ZSCAN5B: variants seen among roughly 807,000 people sequenced by gnomAD.
ZSCAN5B encodes the protein zinc finger and SCAN domain-containing protein 5B.
In ZSCAN5B, 26 loss-of-function variants were observed where a neutral mutation model predicts 25.2. That is an observed-to-expected ratio of 1.03 (90% CI 0.76 to 1.43). The LOEUF is 1.43. Ranked by LOEUF, ZSCAN5B falls within the 40% of genes most tolerant of loss-of-function variation. The probability of loss-of-function intolerance (pLI) is 0.00; values close to 1 mark genes in which losing one functional copy is unlikely to be tolerated. For missense variants in ZSCAN5B, 745 were observed against 622.1 expected (o/e 1.20, Z -2.10); for synonymous variants, 244 against 240.9 (o/e 1.01, Z -0.12).
rs768020233 is a variant in ZSCAN5B, at chr19:56,189,955, G to A, written c.1360C>T (p.Leu454=). The A allele has an allele frequency of 5.0e-6, 8 of 1,613,890 alleles. No individual in the cohort carries two copies. The African/African-American group carries it at 9.3e-5, about 19-fold the overall frequency. The change falls in exon 5 of 5, where the codon CTG becomes TTG. Residue 454 remains leucine, a synonymous_variant. Transcript: ENST00000586855. ...GAGTGGGTGCGCTGGTGAACGTTCA[G>A]GTTCCCCTTGTGGCTGAAAACTTTG...
At chr19:56,190,256 C>T (rs373817287) in exon 5 of ZSCAN5B, 34 of 1,614,060 alleles carry the variant, frequency 2.1e-5, no homozygotes, top group Non-Finnish European at 2.6e-5. Context: ...ATGCAAAGGG[C>T]GGCAGGGCCT....
Position 56,190,779 on chromosome 19 carries a change from A to G in ZSCAN5B, c.739+58T>C, listed in dbSNP as rs980793187. On this transcript the variant is annotated intron_variant, in intron 4 of 4. Coordinates refer to ENST00000586855, the Ensembl canonical transcript of ZSCAN5B. ...CAGGGGATGATAATGCTGGGCCCCC[A>G]GCCCCGCACCCCAGAAGAGAGGGAC... 14 of 1,571,228 alleles carry G rather than the reference A, an allele frequency of 8.9e-6. No individual in the cohort carries two copies. In the African/African-American group the frequency reaches 1.9e-4, roughly 22 times the overall value.
chr19:56,194,961 T>C (rs1012980473), intron 1 of ZSCAN5B, among the ~76,000 whole-genome samples: 5 of 152,182 alleles, frequency 3.3e-5, no homozygotes, highest in African/African-American at 9.7e-5. Flanking sequence ...CAAAAGCCAC[T>C]GTATGATACT....
At chr19:56,191,326 A>T (rs1450450387) in intron 3 of ZSCAN5B, among the ~76,000 whole-genome samples, 1 of 152,140 alleles carries the variant, frequency 6.6e-6, no homozygotes, top group Non-Finnish European at 1.5e-5. Flanking sequence ...ATCCTCCTGG[A>T]GGGGGCGCTC....
At chr19:56,194,501 G>A (rs1229916613) in intron 1 of ZSCAN5B, among the ~76,000 whole-genome samples, 4 of 152,144 alleles carry the variant, frequency 2.6e-5, no homozygotes, top group Non-Finnish European at 2.9e-5. Context: ...TCGCCATGTT[G>A]CCCAGGCTGG....
intron 1 of ZSCAN5B, among the ~76,000 whole-genome samples, chr19:56,193,705 G>A (rs970591372): frequency 6.6e-6 from 1 of 152,218 alleles, no homozygotes; most frequent in African/African-American, 2.4e-5. Flanking sequence ...GCCCAGGCCT[G>A]TAATCCCAGC....
exon 3 of ZSCAN5B, chr19:56,191,926 T>G (rs1278939601): frequency 1.9e-6 from 3 of 1,613,968 alleles, no homozygotes; most frequent in Non-Finnish European, 2.5e-6. Context: ...CGGATGCATC[T>G]GGTTCACAGA....
chr19:56,193,153 T>G, exon 2 of ZSCAN5B: 2 of 1,327,616 alleles, frequency 1.5e-6, no homozygotes, highest in Non-Finnish European at 2.0e-6. Flanking sequence ...TTCTTCTCAG[T>G]AATATATTCA....
chr19:56,197,510 A>G (rs2032825246), intron 1 of ZSCAN5B, among the ~76,000 whole-genome samples: 1 of 152,232 alleles, frequency 6.6e-6, no homozygotes, highest in Admixed American at 6.5e-5. Flanking sequence ...AGCTGGGATT[A>G]CAGGCGTGCG....
chr19:56,190,409 A>G lies in ZSCAN5B; in HGVS notation c.906T>C (p.Asp302=), dbSNP rs892184. 5,541 of 1,614,030 alleles carry G rather than the reference A, an allele frequency of 3.4e-3. 177 individuals carry two copies. The East Asian group carries it at 0.084, about 25-fold the overall frequency. The change falls in exon 5 of 5, where the codon GAT becomes GAC. Residue 302 remains aspartate (D), a synonymous_variant. Coordinates refer to ENST00000586855, the Ensembl canonical transcript of ZSCAN5B. ...GCTCTTCTTGGGAAATGGAGGAGGC[A>G]TCTGGTTTGCTTCTTTTGGGACTGC...
chr19:56,191,767 C>G (rs553180841), intron 3 of ZSCAN5B, 83 bp downstream of exon 3: 2 of 1,421,816 alleles, frequency 1.4e-6, no homozygotes, highest in South Asian at 1.3e-5. Context: ...TGTGCCAAAT[C>G]TCTCAATCAG....
rs749082900 is a variant in ZSCAN5B, at chr19:56,190,366, G to A, written c.949C>T (p.Pro317Ser). The A allele has an allele frequency of 3.1e-6, 5 of 1,614,134 alleles. No homozygotes were observed. In the East Asian group the frequency reaches 8.9e-5, roughly 29 times the overall value. ...CCTGGGGATTCTCTGTTGCCCACAG[G>A]TGTGGCTTCTCCTTGAGGCTCTTCT... The change falls in exon 5 of 5, where the codon CCT (proline) becomes TCT (serine). Residue 317 changes from proline to serine, a missense_variant. Transcript: ENST00000586855.
intron 1 of ZSCAN5B, among the ~76,000 whole-genome samples, chr19:56,197,176 CCTT>C (rs772327056): frequency 2.0e-5 from 3 of 151,506 alleles, no homozygotes; most frequent in African/African-American, 7.3e-5. Context: ...TTATTTTTCT[CCTT>C]TTTTTTTTTT....
At chr19:56,193,012 G>T in exon 2 of ZSCAN5B, 1 of 1,596,316 alleles carries the variant, frequency 6.3e-7, no homozygotes, top group Non-Finnish European at 8.6e-7. Context: ...GCTGTTGCAG[G>T]GTCCTCCCTG....
intron 1 of ZSCAN5B, among the ~76,000 whole-genome samples, chr19:56,197,056 T>C (rs555130880): frequency 3.3e-5 from 5 of 152,122 alleles, no homozygotes; most frequent in African/African-American, 1.2e-4. Flanking sequence ...GGAGGGCACA[T>C]AGCTTGAGCC....
intron 1 of ZSCAN5B, among the ~76,000 whole-genome samples, chr19:56,194,768 A>G (rs1424024401): frequency 6.6e-6 from 1 of 151,828 alleles, no homozygotes; most frequent in Non-Finnish European, 1.5e-5. Context: ...GCCCCCGCCC[A>G]GCTAATTTTT....
chr19:56,192,148 A>C lies in ZSCAN5B; in HGVS notation c.385-95T>G, dbSNP rs1197857655. 4.4e-6 allele frequency: 5 copies of C among 1,147,168 alleles called. No homozygotes were observed. The Admixed American group carries it at 1.1e-4, about 25-fold the overall frequency. The allele number at this position is 1,147,168 out of a possible 1,614,324, so 71.1% of individuals were successfully genotyped here. On this transcript the variant is annotated intron_variant, in intron 2 of 4. Transcript: ENST00000586855. ...GCCATAATGCTCACACTTTACTGTA[A>C]TTAATGTTCAAATCTACCTTCCTGA...
intron 4 of ZSCAN5B, 110 bp from the exon 5 acceptor site, chr19:56,190,685 A>C: frequency 6.5e-7 from 1 of 1,549,762 alleles, no homozygotes; most frequent in East Asian, 2.2e-5. Context: ...CCTCAACCTC[A>C]AGCCTAAGAC....
At chr19:56,191,910 T>G in exon 3 of ZSCAN5B, 2 of 1,614,068 alleles carry the variant, frequency 1.2e-6, no homozygotes, top group Non-Finnish European at 1.7e-6. Flanking sequence ...GGGCCTGGCC[T>G]GTCCCCGGAT....
Sources: allele counts gnomAD v4.1 joint callset (sites outside exome capture counted in the v4.1 genomes callset), GRCh38; gene constraint gnomAD v4.1.1; transcripts MANE v1.5; gene names NCBI Gene and HGNC (gene_info 2026-07-23, HGNC 2026-07-21).